The following MAML3 variants were observed in gnomAD, a reference collection of about 807,000 sequenced individuals.
MAML3 encodes mastermind-like protein 3.
In MAML3, 27 loss-of-function variants were observed where a neutral mutation model predicts 101.9. That is an observed-to-expected ratio of 0.27 (90% CI 0.20 to 0.37). The LOEUF (loss-of-function observed/expected upper bound fraction) is 0.37. MAML3 is among the 10% of genes least tolerant of loss of function. The probability of loss-of-function intolerance (pLI) is 1.00; values close to 1 mark genes in which losing one functional copy is unlikely to be tolerated. For missense variants in MAML3, 1,316 were observed against 1,444.9 expected (o/e 0.91, Z 1.45); for synonymous variants, 501 against 555.9 (o/e 0.90, Z 1.39).
intron 2 of MAML3, among the ~76,000 whole-genome samples, chr4:139,757,558 G>A (rs536966919): frequency 2.0e-5 from 3 of 149,682 alleles, no homozygotes; most frequent in African/African-American, 4.9e-5. Context: ...GCTGAGACAG[G>A]AGAACTGCTT....
At chr4:139,833,995 A>G (rs1731216281) in intron 2 of MAML3, among the ~76,000 whole-genome samples, 1 of 152,162 alleles carries the variant, frequency 6.6e-6, no homozygotes, top group Non-Finnish European at 1.5e-5. Flanking sequence ...GGGAAAAATC[A>G]GGTTGGGGGC....
At chr4:140,152,226 C>G (rs1237603671) in intron 1 of MAML3, among the ~76,000 whole-genome samples, 1 of 152,206 alleles carries the variant, frequency 6.6e-6, no homozygotes, top group Non-Finnish European at 1.5e-5. Flanking sequence ...CGCGCAGCCA[C>G]CCTCGCTCGT....
intron 1 of MAML3, among the ~76,000 whole-genome samples, chr4:139,965,388 T>C (rs1366627529): frequency 6.6e-6 from 1 of 152,192 alleles, no homozygotes; most frequent in African/African-American, 2.4e-5. Flanking sequence ...GTATTAGGCA[T>C]GGCTCAGGCA....
At chr4:140,058,027 A>G (rs2110932875) in intron 1 of MAML3, among the ~76,000 whole-genome samples, 1 of 149,320 alleles carries the variant, frequency 6.7e-6, no homozygotes, top group African/African-American at 2.5e-5. Context: ...ACCTCTGATT[A>G]AACGTACAGT....
intron 1 of MAML3, among the ~76,000 whole-genome samples, chr4:140,113,800 T>G (rs887607790): frequency 6.6e-6 from 1 of 152,120 alleles, no homozygotes. Context: ...CTAATCAAAG[T>G]CCATCCAAAG....
intron 1 of MAML3, among the ~76,000 whole-genome samples, chr4:140,150,002 A>G (rs1043133925): frequency 2.9e-5 from 4 of 138,256 alleles, no homozygotes; most frequent in African/African-American, 5.4e-5. Flanking sequence ...GTTAAGGCTT[A>G]CATTACATTC....
intron 2 of MAML3, among the ~76,000 whole-genome samples, chr4:139,851,078 C>T (rs1731538872): frequency 1.3e-5 from 2 of 152,154 alleles, no homozygotes; most frequent in Admixed American, 1.3e-4. Context: ...GGTTCTAGAA[C>T]TTTAAGTATG....
At chr4:139,749,109 A>G (rs1729418414) in intron 2 of MAML3, among the ~76,000 whole-genome samples, 1 of 152,226 alleles carries the variant, frequency 6.6e-6, no homozygotes, top group African/African-American at 2.4e-5. Context: ...TCCTCAGGAA[A>G]GACTGGAATT....
chr4:140,100,120 A>C (rs944803404), intron 1 of MAML3, among the ~76,000 whole-genome samples: 1 of 148,774 alleles, frequency 6.7e-6, no homozygotes, highest in Admixed American at 6.8e-5. Context: ...GCTCTGGTGC[A>C]TGGACTCTCA....
intron 1 of MAML3, among the ~76,000 whole-genome samples, chr4:140,124,077 GC>G (rs965650072): frequency 2.8e-4 from 43 of 152,178 alleles, no homozygotes; most frequent in African/African-American, 1.0e-3. Context: ...CCACTTACTA[GC>G]TTTCTCTCTT....
intron 2 of MAML3, among the ~76,000 whole-genome samples, chr4:139,812,277 A>G (rs979282440): frequency 6.6e-6 from 1 of 152,206 alleles, no homozygotes; most frequent in Non-Finnish European, 1.5e-5. Flanking sequence ...GAGTCTAGGA[A>G]TTGGAGGCAC....
chr4:139,992,525 TTTTTTGTTTTG>T (rs1265324606), intron 1 of MAML3, among the ~76,000 whole-genome samples: 5 of 152,158 alleles, frequency 3.3e-5, no homozygotes, highest in Non-Finnish European at 5.9e-5. Flanking sequence ...TTGTGTGTCT[TTTTTTGTTTTG>T]TTTTTGTTTT....
At chr4:139,857,332 G>A (rs1295029606) in intron 2 of MAML3, among the ~76,000 whole-genome samples, 1 of 152,140 alleles carries the variant, frequency 6.6e-6, no homozygotes, top group Admixed American at 6.5e-5. Flanking sequence ...ATGAGAGGGC[G>A]CTTGCTCCAG....
intron 1 of MAML3, among the ~76,000 whole-genome samples, chr4:140,091,214 G>T (rs986452100): frequency 1.3e-5 from 2 of 152,050 alleles, no homozygotes; most frequent in African/African-American, 4.8e-5. Flanking sequence ...ACACAATCAG[G>T]TACAACTGCT....
intron 2 of MAML3, among the ~76,000 whole-genome samples, chr4:139,801,668 G>GTGTGTGTGTGTGTGTGTC (rs1730610973): frequency 1.2e-4 from 2 of 17,212 alleles, no homozygotes; most frequent in African/African-American, 2.8e-4. Context: ...GTGTGTGTGT[G>GTGTGTGTGTGTGTGTGTC]TGTGTGTGTG....
rs1344720822 is a variant in MAML3, at chr4:140,091,542, A to C, written c.468+61318T>G. On this transcript the variant is annotated intron_variant, in intron 1 of 4. Coordinates refer to ENST00000509479, the MANE Select transcript of MAML3 (RefSeq NM_018717.5). ...AACAAAACAAAACAACAAAACAAAA[A>C]CAAAACAAAAAAAAAAAACAGGACC... Among the ~76,000 whole-genome samples, 211 of 129,732 alleles carry C rather than the reference A, an allele frequency of 1.6e-3. 3 individuals carry two copies. The highest frequency in any genetic ancestry group is 5.1e-3 in the African/African-American group (180 of 35,618). The allele number at this position is 129,732 out of a possible 152,430, so 85.1% of individuals were successfully genotyped here. A position where few individuals can be genotyped will look rare whatever the true frequency, so the allele number is the denominator to read the frequency against.
At position 139,793,524 on chromosome 4, in the gene MAML3, C is replaced by T. The variant is rs74976721; in HGVS notation, c.2080-62857G>A. Among the ~76,000 whole-genome samples, 885 of 152,228 alleles carry T rather than the reference C, an allele frequency of 5.8e-3. 39 individuals carry two copies. Among genetic ancestry groups the T allele is most frequent in the Admixed American group, 0.05 (758 of 15,288 alleles). On this transcript the variant is annotated intron_variant, in intron 2 of 4. Coordinates refer to ENST00000509479, the MANE Select transcript of MAML3 (RefSeq NM_018717.5). ...TGCAAGGATGGAAAACAGCTGGAAT[C>T]GACTCATTTCAGTGGTGGCATCTTA...
intron 1 of MAML3, among the ~76,000 whole-genome samples, chr4:139,920,535 T>C (rs772490749): frequency 6.6e-6 from 1 of 152,228 alleles, no homozygotes; most frequent in South Asian, 2.1e-4. Flanking sequence ...CAAAGAACTT[T>C]ACTATGAATT....
In MAML3 at chr4:140,083,963, CACACAGAGAGAGAGAGAGAG is replaced by C. The variant is rs1436217286; in HGVS notation, c.468+68877_468+68896del. 3.0e-3 allele frequency among the ~76,000 whole-genome samples: 199 copies of C among 67,456 alleles called. 1 individual carries two copies. The highest frequency in any genetic ancestry group is 9.8e-3 in the African/African-American group (147 of 15,058). 44.3% of individuals were successfully genotyped at this position (67,456 alleles called of 152,430 possible). A position where few individuals can be genotyped will look rare whatever the true frequency, so the allele number is the denominator to read the frequency against. The stretch of plus-strand genomic sequence containing the variant: ...ACACACACACACACACACACACACA[CACACAGAGAGAGAGAGAGAG>C]AGAGAGAGAGAGAGAGAGAGAGAAT... On this transcript the variant is annotated intron_variant, in intron 1 of 4. Transcript: ENST00000509479.
Sources: allele counts gnomAD v4.1 joint callset (sites outside exome capture counted in the v4.1 genomes callset), GRCh38; gene constraint gnomAD v4.1.1; transcripts MANE v1.5; gene names NCBI Gene and HGNC (gene_info 2026-07-23, HGNC 2026-07-21).